AP1G1: variants seen among roughly 807,000 people sequenced by gnomAD.
AP1G1 encodes the protein AP-1 complex subunit gamma-1.
In AP1G1, 7 loss-of-function variants were observed where a neutral mutation model predicts 108.3. That is an observed-to-expected ratio of 0.06 (90% confidence interval 0.04 to 0.12). The LOEUF is 0.12. Ranked by LOEUF, AP1G1 falls within the 10% of genes least tolerant of loss-of-function variation. The probability of loss-of-function intolerance (pLI) is 1.00; values close to 1 mark genes in which losing one functional copy is unlikely to be tolerated. For missense variants in AP1G1, 756 were observed against 1,010.7 expected (o/e 0.75, Z 3.42); for synonymous variants, 379 against 353.5 (o/e 1.07, Z -0.81).
At chr16:71,795,379 T>C (rs1303687238) in intron 1 of AP1G1, among the ~76,000 whole-genome samples, 1 of 152,200 alleles carries the variant, frequency 6.6e-6, no homozygotes, top group Non-Finnish European at 1.5e-5. Flanking sequence ...GGCTAAACAA[T>C]GAGAAAAGAC....
chr16:71,771,706 C>T (rs1311126290), intron 4 of AP1G1, among the ~76,000 whole-genome samples: 6 of 152,066 alleles, frequency 3.9e-5, no homozygotes, highest in African/African-American at 7.2e-5. Context: ...AAAAGTTAAA[C>T]ATAATTTATG....
intron 1 of AP1G1, among the ~76,000 whole-genome samples, chr16:71,804,487 C>T (rs2032928659): frequency 1.3e-5 from 2 of 149,780 alleles, no homozygotes; most frequent in Non-Finnish European, 1.5e-5. Context: ...CAGCTCACTG[C>T]AACCTCCACC....
At position 71,807,235 on chromosome 16, in the gene AP1G1, G is replaced by A. The variant is rs567851162; in HGVS notation, c.-4+1528C>T. The stretch of plus-strand genomic sequence containing the variant: ...GAGCTCAGGAGTTCGAGATCTGCCT[G>A]GGCAACATGATGAAACCCCATCTCT... On this transcript the variant is annotated intron_variant, in intron 1 of 22. Coordinates refer to ENST00000299980, the MANE Select transcript of AP1G1 (RefSeq NM_001128.6). 2.8e-4 allele frequency among the ~76,000 whole-genome samples: 43 copies of A among 152,310 alleles called. No individual in the cohort carries two copies. In the South Asian group the frequency reaches 3.3e-3, roughly 12 times the overall value.
intron 12 of AP1G1, among the ~76,000 whole-genome samples, chr16:71,755,650 T>G (rs7499576): frequency 0.86 from 130,032 of 151,444 alleles, 55,957 homozygotes; most frequent in East Asian, 0.99. Flanking sequence ...TTTTTTTTTT[T>G]TTGTTTTGTT....
chr16:71,753,767 T>G, intron 13 of AP1G1, 66 bp downstream of exon 13: 1 of 1,433,364 alleles, frequency 7.0e-7, no homozygotes, highest in Non-Finnish European at 9.8e-7. Flanking sequence ...GACTAGAACA[T>G]AAACTTCATG....
chr16:71,765,288 C>T (rs1321351692), intron 7 of AP1G1, among the ~76,000 whole-genome samples: 3 of 152,208 alleles, frequency 2.0e-5, no homozygotes, highest in African/African-American at 7.2e-5. Flanking sequence ...GATTGTGCCA[C>T]TGCACTCCAG....
At chr16:71,759,390 G>C (rs1008597937) in intron 10 of AP1G1, among the ~76,000 whole-genome samples, 2 of 152,196 alleles carry the variant, frequency 1.3e-5, no homozygotes, top group African/African-American at 4.8e-5. Context: ...GAACCTGGGA[G>C]GCTGCGGTTG....
chr16:71,733,343 T>C (rs1362022664), intron 22 of AP1G1, among the ~76,000 whole-genome samples, 184 bp from the exon 23 acceptor site: 1 of 152,172 alleles, frequency 6.6e-6, no homozygotes, highest in Non-Finnish European at 1.5e-5. Flanking sequence ...AAGCTAACAA[T>C]GTCATGCCAC....
chr16:71,758,287 G>A (rs11866559), intron 11 of AP1G1: 95,809 of 385,412 alleles, frequency 0.25, 13,969 homozygotes, highest in South Asian at 0.46. Flanking sequence ...CTCCACTGAG[G>A]GAAGAGATTT....
At chr16:71,754,844 G>A (rs1023424874) in intron 12 of AP1G1, among the ~76,000 whole-genome samples, 3 of 151,978 alleles carry the variant, frequency 2.0e-5, no homozygotes, top group Middle Eastern at 3.4e-3. Context: ...GTCAAACTCA[G>A]ATGTTTCCCA....
rs532745940 is a variant in AP1G1 at position 71,731,575 on chromosome 16, T to G, written c.*1483A>C. 5.9e-5 allele frequency: 9 copies of G among 152,762 alleles called. No homozygotes were observed. The highest frequency in any genetic ancestry group is 2.2e-4 in the African/African-American group (9 of 41,584). The allele number at this position is 152,762 out of a possible 1,614,324, so 9.5% of individuals were successfully genotyped here. On this transcript the variant is annotated 3_prime_UTR_variant, in exon 23 of 23. Coordinates refer to ENST00000299980, the MANE Select transcript of AP1G1 (RefSeq NM_001128.6). ...TATATAAGACATGGCGCCTGAATAC[T>G]TGAACATACATAGTACATTCAATGT...
chr16:71,732,877 A>G lies in AP1G1; in HGVS notation c.*181T>C. The G allele has an allele frequency of 1.8e-6, 1 of 543,572 alleles. No homozygotes were observed. The highest frequency in any genetic ancestry group is 2.6e-5 in the South Asian group (1 of 38,770). The allele number at this position is 543,572 out of a possible 1,614,324, so 33.7% of individuals were successfully genotyped here. A position where few individuals can be genotyped will look rare whatever the true frequency, so the allele number is the denominator to read the frequency against. ...GCAGCCAGCCTCAACAGTGGAGGAG[A>G]GGACATTAGTCTTTAACAATGCTTC... On this transcript the variant is annotated 3_prime_UTR_variant, in exon 23 of 23. Coordinates refer to ENST00000299980, the MANE Select transcript of AP1G1 (RefSeq NM_001128.6).
At chr16:71,755,885 C>A (rs1230108654) in intron 12 of AP1G1, 134 bp downstream of exon 12, 1 of 889,440 alleles carries the variant, frequency 1.1e-6, no homozygotes, top group East Asian at 2.6e-5. Context: ...ACTTCATGAT[C>A]CACCTGCCTT....
intron 13 of AP1G1, among the ~76,000 whole-genome samples, chr16:71,751,058 G>C (rs1462324198): frequency 6.7e-6 from 1 of 150,102 alleles, no homozygotes; most frequent in East Asian, 2.0e-4. Flanking sequence ...AGGAGGCTGA[G>C]ACAGCAGAAT....
intron 1 of AP1G1, chr16:71,808,016 C>A (rs1270558216): frequency 8.3e-7 from 1 of 1,205,146 alleles, no homozygotes; most frequent in South Asian, 1.5e-5. Context: ...AAACATTACC[C>A]TGAGCGAGTG....
chr16:71,753,731 T>C lies in AP1G1; in HGVS notation c.1284+102A>G, dbSNP rs575378429. On this transcript the variant is annotated intron_variant, in intron 13 of 22. Coordinates refer to ENST00000299980, the MANE Select transcript of AP1G1 (RefSeq NM_001128.6). ...TCCTAACTGACATTAATGTTACCTA[T>C]TTACTTGTGAATTTCTTACCTCCCT... 7.2e-4 allele frequency: 723 copies of C among 1,007,300 alleles called. 5 individuals are homozygous for C. The highest frequency in any genetic ancestry group is 4.4e-3 in the Middle Eastern group (21 of 4,742). The allele number at this position is 1,007,300 out of a possible 1,614,324, so 62.4% of individuals were successfully genotyped here. A position where few individuals can be genotyped will look rare whatever the true frequency, so the allele number is the denominator to read the frequency against.
rs765904809 is a variant in AP1G1 at position 71,773,211 on chromosome 16, T to G, written c.468+10A>C. On this transcript the variant is annotated intron_variant, in intron 4 of 22. Transcript: ENST00000299980. ...TAATCCAAACAGACATTTGGTTCATTAAAAGTTACCTTTTTTCTTAAGTAA... is the reference window on the plus strand; with the variant it reads ...TAATCCAAACAGACATTTGGTTCATGAAAAGTTACCTTTTTTCTTAAGTAA... The G allele has an allele frequency of 6.2e-7, 1 of 1,612,666 alleles. No individual in the cohort carries two copies. The highest frequency in any genetic ancestry group is 8.5e-7 in the Non-Finnish European group (1 of 1,179,904).
chr16:71,761,378 C>A (rs898921075), intron 10 of AP1G1, 134 bp downstream of exon 10: 3 of 708,588 alleles, frequency 4.2e-6, no homozygotes, highest in Non-Finnish European at 7.5e-6. Flanking sequence ...TGTTTTAAGA[C>A]CAGAAAAACA....
At chr16:71,806,936 A>T (rs114801641) in intron 1 of AP1G1, among the ~76,000 whole-genome samples, 2,424 of 152,320 alleles carry the variant, frequency 0.016, 52 homozygotes, top group African/African-American at 0.054. Context: ...ATAATAATGC[A>T]TCTATAAGTG....
Sources: allele counts gnomAD v4.1 joint callset (sites outside exome capture counted in the v4.1 genomes callset), GRCh38; gene constraint gnomAD v4.1.1; transcripts MANE v1.5; gene names NCBI Gene and HGNC (gene_info 2026-07-23, HGNC 2026-07-21).